The following TIPIN variants were observed in gnomAD, a reference collection of about 807,000 sequenced individuals.
TIPIN encodes the protein TIMELESS-interacting protein.
TIPIN carries 29 observed loss-of-function variants against 35.6 expected under a neutral mutation model. The observed-to-expected ratio is 0.82, with a 90% CI of 0.61 to 1.11. The LOEUF (loss-of-function observed/expected upper bound fraction) is 1.11, where lower values mean the gene tolerates loss of function less well. Among genes scored for constraint, TIPIN ranks in the 50% most tolerant of loss-of-function variants. The pLI, the probability that TIPIN is intolerant of heterozygous loss-of-function variation, is 0.00. For synonymous variants in TIPIN, 102 were observed against 121.5 expected, an observed-to-expected ratio of 0.84 and a Z score of 1.06; for missense variants, 296 against 345.4, an observed-to-expected ratio of 0.86 and a Z score of 1.13.
intron 1 of TIPIN, among the ~76,000 whole-genome samples, chr15:66,373,492 C>CA (rs543674595): frequency 0.12 from 8,919 of 74,414 alleles, 1,003 homozygotes; most frequent in African/African-American, 0.34. Context: ...GACTCCGTCT[C>CA]AAAAAAAAAA....
intron 1 of TIPIN, among the ~76,000 whole-genome samples, chr15:66,354,644 A>G (rs560083953): frequency 1.3e-5 from 2 of 152,170 alleles, no homozygotes; most frequent in Admixed American, 1.3e-4. Context: ...GCCTCTTACT[A>G]CCTCACCAGT....
intron 1 of TIPIN, chr15:66,379,818 G>A (rs2140500548): frequency 6.3e-7 from 1 of 1,597,690 alleles, no homozygotes; most frequent in South Asian, 1.1e-5. Context: ...CCTCCGCAGG[G>A]TTCCTCTGGG....
intron 1 of TIPIN, among the ~76,000 whole-genome samples, chr15:66,356,334 G>T (rs560356097): frequency 1.3e-5 from 2 of 152,084 alleles, no homozygotes; most frequent in Non-Finnish European, 2.9e-5. Flanking sequence ...TTCGCTGGGG[G>T]ATTTCTACAT....
At chr15:66,361,540 C>A (rs1387071924), upstream of TIPIN, among the ~76,000 whole-genome samples, 1 of 143,222 alleles carries the variant, frequency 7.0e-6, no homozygotes, top group Non-Finnish European at 1.5e-5. Context: ...CAGGTGTGTG[C>A]CACTGTGCCC....
chr15:66,361,735 C>T (rs572572466), intron 1 of TIPIN, among the ~76,000 whole-genome samples: 116 of 152,268 alleles, frequency 7.6e-4, no homozygotes, highest in Non-Finnish European at 1.3e-3. Context: ...AGGCCAGACA[C>T]GGTGGCTCAT....
intron 6 of TIPIN, chr15:66,347,144 G>C (rs2093131666): frequency 2.2e-6 from 1 of 446,374 alleles, no homozygotes; most frequent in African/African-American, 2.0e-5. Context: ...ATAACTTTAG[G>C]GTATTCTACA....
At chr15:66,338,813 CAAAA>C (rs35966273) in intron 7 of TIPIN, among the ~76,000 whole-genome samples, 3 of 35,256 alleles carry the variant, frequency 8.5e-5, no homozygotes, top group East Asian at 1.6e-3. Flanking sequence ...GACTCCGTCT[CAAAA>C]AAAAAAAAAA....
At chr15:66,356,758 C>CG (rs1322964861), upstream of TIPIN, 28 of 982,314 alleles carry the variant, frequency 2.9e-5, no homozygotes, top group East Asian at 8.2e-4. Flanking sequence ...CAAATCCGTG[C>CG]GGGGGGCTGG....
chr15:66,371,583 G>A (rs915636893), intron 1 of TIPIN, among the ~76,000 whole-genome samples: 5 of 149,304 alleles, frequency 3.3e-5, no homozygotes, highest in Admixed American at 6.7e-5. Flanking sequence ...GCGCGATCTC[G>A]GCTCACTGCA....
chr15:66,349,808 G>T (rs773131393), intron 4 of TIPIN, among the ~76,000 whole-genome samples: 23 of 151,940 alleles, frequency 1.5e-4, no homozygotes, highest in Non-Finnish European at 2.9e-4. Flanking sequence ...TGAGCCTGGG[G>T]GGCAGAGGTT....
In TIPIN at chr15:66,337,130, T is replaced by A. The variant is rs1485269391; in HGVS notation, c.734A>T (p.Asp245Val). ...ATTTGACTCCTCCTTTTGATCCTCA[T>A]CAGTATTAACCTCTTCAACCGTGTG... The part of the protein sequence containing the change: ...RAHTVEEVNT[D>V]EDQKEESNGL... The change falls in exon 8 of 8, where the codon GAT becomes GTT. Residue 245 changes from aspartate (D) to valine (V), a missense_variant. Transcript: ENST00000261881. The A allele has an allele frequency of 8.1e-6, 13 of 1,614,080 alleles. No homozygotes were observed. Among genetic ancestry groups the A allele is most frequent in the Non-Finnish European group, 1.0e-5 (12 of 1,180,012 alleles).
chr15:66,342,186 CAAAAAAAA>C (rs55711983), intron 6 of TIPIN, among the ~76,000 whole-genome samples: 73 of 108,498 alleles, frequency 6.7e-4, no homozygotes, highest in Admixed American at 1.1e-3. Context: ...AAGACTGTCT[CAAAAAAAA>C]AAAAAAAAAA....
intron 1 of TIPIN, among the ~76,000 whole-genome samples, chr15:66,383,265 A>G (rs1316485602): frequency 1.4e-5 from 2 of 144,274 alleles, no homozygotes; most frequent in Non-Finnish European, 3.1e-5. Flanking sequence ...GAAAAGTTTC[A>G]ATTTTTTTTT....
chr15:66,379,837 C>T lies in TIPIN; in HGVS notation c.-9+6770G>A, dbSNP rs149459755. 2.8e-5 allele frequency: 44 copies of T among 1,595,974 alleles called. No individual in the cohort carries two copies. The Middle Eastern group carries it at 6.8e-4, about 25-fold the overall frequency. ...CGCAGGGTTCCTCTGGGGCCATTCA[C>T]GATAACTGTGTGTCCCTTCAGAGTA... On this transcript the variant is annotated intron_variant, in intron 1 of 7. Transcript: ENST00000562124.
chr15:66,366,270 A>G (rs1029505578), intron 1 of TIPIN, among the ~76,000 whole-genome samples: 12 of 151,750 alleles, frequency 7.9e-5, no homozygotes, highest in African/African-American at 2.7e-4. Context: ...CCTGGCCAAC[A>G]TGGTGAAACC....
At chr15:66,347,359 T>C (rs2093133818) in intron 6 of TIPIN, 1 of 489,950 alleles carries the variant, frequency 2.0e-6, no homozygotes. Context: ...CTCACTAAAG[T>C]CCTATATCCG....
upstream of TIPIN, among the ~76,000 whole-genome samples, chr15:66,360,143 G>A (rs925491090): frequency 1.6e-4 from 24 of 152,124 alleles, no homozygotes; most frequent in Non-Finnish European, 2.8e-4. Flanking sequence ...AGTATCGCAG[G>A]TACTTCAGAG....
intron 1 of TIPIN, among the ~76,000 whole-genome samples, chr15:66,367,187 A>ATCTAT (rs151011048): frequency 7.6e-6 from 1 of 130,854 alleles, no homozygotes; most frequent in Non-Finnish European, 1.7e-5. Flanking sequence ...CTCAAAAAAA[A>ATCTAT]ATCTATATCT....
At chr15:66,384,650 C>T (rs531052598) in intron 1 of TIPIN, among the ~76,000 whole-genome samples, 4 of 152,122 alleles carry the variant, frequency 2.6e-5, no homozygotes, top group East Asian at 1.9e-4. Flanking sequence ...CAGTGGCTCA[C>T]GCCTGTAAAC....
Sources: allele counts gnomAD v4.1 joint callset (sites outside exome capture counted in the v4.1 genomes callset), GRCh38; gene constraint gnomAD v4.1.1; transcripts MANE v1.5; gene names NCBI Gene and HGNC (gene_info 2026-07-23, HGNC 2026-07-21).